Variants in PPP1R7 observed in about 807,000 individuals in gnomAD.
The protein encoded by PPP1R7 is protein phosphatase 1 regulatory subunit 7.
A neutral mutation model predicts 45.2 loss-of-function variants in PPP1R7; 18 were observed. The observed-to-expected ratio is 0.40, with a 90% confidence interval of 0.28 to 0.59. The LOEUF is 0.59. Ranked by LOEUF, PPP1R7 falls within the 20% of genes least tolerant of loss-of-function variation. PPP1R7 has a pLI of 0.46. For missense variants in PPP1R7, 314 were observed against 455.8 expected (o/e 0.69, Z 2.83); for synonymous variants, 181 against 183.4 (o/e 0.99, Z 0.11).
In PPP1R7 at chr2:241,179,353, T is replaced by C. The variant is rs111245110; in HGVS notation, c.907-3294T>C. Among the ~76,000 whole-genome samples, 45 of 152,288 alleles carry C rather than the reference T, an allele frequency of 3.0e-4. 5 individuals carry two copies. Among genetic ancestry groups the C allele is most frequent in the African/African-American group, 1.0e-3 (43 of 41,552 alleles). On this transcript the variant is annotated intron_variant, in intron 9 of 9. Coordinates refer to ENST00000234038, the MANE Select transcript of PPP1R7 (RefSeq NM_002712.3). ...GCATGATAAAACTTAGCATCCCTAA[T>C]TGTGGGACCACCTGAAGTGCTGTGT...
intron 4 of PPP1R7, chr2:241,158,824 A>G (rs2067519465): frequency 2.0e-6 from 1 of 490,644 alleles, no homozygotes; most frequent in Admixed American, 3.3e-5. Flanking sequence ...CCTGTGTTCA[A>G]TTAGGCACTC....
At chr2:241,155,640 G>A (rs2067438022) in intron 2 of PPP1R7, among the ~76,000 whole-genome samples, 1 of 152,194 alleles carries the variant, frequency 6.6e-6, no homozygotes, top group South Asian at 2.1e-4. Context: ...TGAGTGGTGA[G>A]CGGCCAGCCC....
At chr2:241,150,335 G>T, upstream of PPP1R7, 1 of 1,318,610 alleles carries the variant, frequency 7.6e-7, no homozygotes, top group South Asian at 2.2e-5. Context: ...GCGGCCTCAT[G>T]ACGGAACTAC....
At chr2:241,176,152 A>G (rs62187413) in intron 9 of PPP1R7, among the ~76,000 whole-genome samples, 18 of 152,184 alleles carry the variant, frequency 1.2e-4, no homozygotes, top group African/African-American at 3.9e-4. Flanking sequence ...AACTCAAGCA[A>G]TCCTCCTGCC....
chr2:241,169,371 C>T (rs1250354266), intron 8 of PPP1R7, among the ~76,000 whole-genome samples: 2 of 152,220 alleles, frequency 1.3e-5, no homozygotes, highest in East Asian at 1.9e-4. Flanking sequence ...ATTACTTGGT[C>T]GTACATTTCC....
chr2:241,156,731 T>C (rs2067465820), intron 2 of PPP1R7, among the ~76,000 whole-genome samples: 2 of 152,200 alleles, frequency 1.3e-5, no homozygotes, highest in African/African-American at 2.4e-5. Context: ...CTAGTCACAA[T>C]ATACAGCCTT....
intron 6 of PPP1R7, among the ~76,000 whole-genome samples, chr2:241,162,848 A>G (rs1234654556): frequency 6.6e-6 from 1 of 151,902 alleles, no homozygotes; most frequent in African/African-American, 2.4e-5. Flanking sequence ...ACGCCCAGCT[A>G]ATTTTTTTGT....
chr2:241,154,179 CAAAAAAAAAAAAA>C (rs1167747738), intron 2 of PPP1R7, among the ~76,000 whole-genome samples: 4 of 50,492 alleles, frequency 7.9e-5, no homozygotes, highest in African/African-American at 1.4e-4. Context: ...TACTCCTTCT[CAAAAAAAAAAAAA>C]AAAAAAAAAA....
chr2:241,150,454 G>A, upstream of PPP1R7: 1 of 1,554,058 alleles, frequency 6.4e-7, no homozygotes, highest in Non-Finnish European at 8.7e-7. Flanking sequence ...TTGGCTGAGG[G>A]GTCTGAGGCG....
Position 241,182,807 on chromosome 2 carries a change from C to T in PPP1R7, c.1067C>T (p.Thr356Met), listed in dbSNP as rs748735206. ...CCCTCCGTGCGGCAGATCGATGCCACGTTCGTCAGGTTCTGAGTCCTTCTT... is the reference window on the plus strand; with the variant it reads ...CCCTCCGTGCGGCAGATCGATGCCATGTTCGTCAGGTTCTGAGTCCTTCTT... ...ALPSVRQIDA[T>M]FVRF The change falls in exon 10 of 10, where the codon ACG becomes ATG. Residue 356 changes from threonine to methionine, a missense_variant. By Grantham distance (81) the Thr-to-Met change is moderately conservative (BLOSUM62 -1). Transcript: ENST00000234038. 31 of 1,612,912 alleles carry T rather than the reference C, an allele frequency of 1.9e-5. No homozygotes were observed. In the African/African-American group the frequency reaches 2.7e-4, roughly 14 times the overall value.
chr2:241,170,149 A>G (rs2067788662), intron 9 of PPP1R7, among the ~76,000 whole-genome samples: 1 of 152,252 alleles, frequency 6.6e-6, no homozygotes, highest in Non-Finnish European at 1.5e-5. Context: ...TCTTTGCTTT[A>G]CAAGACTCCG....
intron 5 of PPP1R7, among the ~76,000 whole-genome samples, chr2:241,159,994 C>G (rs2067548514): frequency 6.6e-6 from 1 of 152,122 alleles, no homozygotes; most frequent in South Asian, 2.1e-4. Context: ...CTTCTCAGGC[C>G]CCTTCTGTGT....
At chr2:241,170,079 G>A (rs114891495) in intron 9 of PPP1R7, among the ~76,000 whole-genome samples, 2,093 of 152,300 alleles carry the variant, frequency 0.014, 32 homozygotes, top group Non-Finnish European at 0.018. Flanking sequence ...CATTGACATA[G>A]CTTGTTAGAA....
chr2:241,169,588 G>A (rs1437145201), intron 8 of PPP1R7, among the ~76,000 whole-genome samples, 193 bp from the exon 9 acceptor site: 1 of 152,086 alleles, frequency 6.6e-6, no homozygotes, highest in Non-Finnish European at 1.5e-5. Context: ...GGCTCTGATG[G>A]AAACACTGTC....
rs367687343 is a variant in PPP1R7, at chr2:241,157,877, T to G, written c.237+15T>G. ...GAGATGCAGAGGTAATGCCGCCTGC[T>G]CAGCCCAGCCTTGGGCGTGGTGATG... On this transcript the variant is annotated intron_variant, in intron 3 of 9. Coordinates refer to ENST00000234038, the MANE Select transcript of PPP1R7 (RefSeq NM_002712.3). The G allele has an allele frequency of 6.2e-7, 1 of 1,611,992 alleles. No individual in the cohort carries two copies. The highest frequency in any genetic ancestry group is 2.2e-5 in the East Asian group (1 of 44,876).
intron 2 of PPP1R7, among the ~76,000 whole-genome samples, chr2:241,155,648 C>T (rs937068102): frequency 1.3e-5 from 2 of 152,218 alleles, no homozygotes; most frequent in African/African-American, 4.8e-5. Flanking sequence ...GAGCGGCCAG[C>T]CCTGCTGGCT....
At chr2:241,159,865 AAAAATTAAAATT>A (rs138474417) in intron 5 of PPP1R7, among the ~76,000 whole-genome samples, 2 of 152,148 alleles carry the variant, frequency 1.3e-5, no homozygotes, top group African/African-American at 4.8e-5. Flanking sequence ...CCCTGTCTAC[AAAAATTAAAATT>A]AAAATTAAAA....
chr2:241,149,642 G>A (rs1024255924), upstream of PPP1R7: 57 of 1,540,182 alleles, frequency 3.7e-5, no homozygotes, highest in African/African-American at 5.5e-5. Context: ...GGAGCCAAAG[G>A]AATAATGGGC....
At position 241,182,934 on chromosome 2, in the gene PPP1R7, C is replaced by A; in HGVS notation, c.*111C>A. ...GTCACTATATCAACAGTCACAAACC[C>A]AATGGCAATAAAGGCACTGACGATA... is the stretch of plus-strand genomic sequence containing the variant. On this transcript the variant is annotated 3_prime_UTR_variant, in exon 10 of 10. Transcript: ENST00000234038. The A allele has an allele frequency of 7.8e-7, 1 of 1,277,006 alleles. No homozygotes were observed. Among genetic ancestry groups the A allele is most frequent in the Non-Finnish European group, 1.1e-6 (1 of 936,182 alleles). The allele number at this position is 1,277,006 out of a possible 1,614,324, so 79.1% of individuals were successfully genotyped here.
Sources: gnomAD v4.1 joint callset for allele counts (sites outside exome capture counted in the v4.1 genomes callset) on GRCh38, gnomAD v4.1.1 for gene constraint, MANE v1.5 for transcripts, NCBI Gene and HGNC (gene_info 2026-07-23, HGNC 2026-07-21) for gene names.